Variants in FAM13A observed in about 807,000 individuals in gnomAD.
FAM13A encodes protein FAM13A.
FAM13A carries 76 observed loss-of-function variants against 129.6 expected under a neutral mutation model. The observed-to-expected ratio is 0.59, with a 90% CI of 0.49 to 0.71. The LOEUF is 0.71. FAM13A is among the 30% of genes least tolerant of loss of function. The pLI, the probability that FAM13A is intolerant of heterozygous loss-of-function variation, is 0.00. For missense variants in FAM13A, 1,108 were observed against 1,249.3 expected, an observed-to-expected ratio of 0.89 and a Z score of 1.70; for synonymous variants, 443 against 449.9, an observed-to-expected ratio of 0.98 and a Z score of 0.20.
intron 5 of FAM13A, among the ~76,000 whole-genome samples, chr4:88,929,868 C>G (rs2464520): frequency 0.79 from 120,761 of 152,018 alleles, 48,198 homozygotes; most frequent in Non-Finnish European, 0.82. Context: ...CTCTTGAATA[C>G]CTGGGACTAC....
intron 3 of FAM13A, among the ~76,000 whole-genome samples, chr4:89,011,699 C>T (rs1442444748): frequency 2.6e-5 from 4 of 152,102 alleles, no homozygotes; most frequent in Admixed American, 2.0e-4. Context: ...TCTGTCTTAC[C>T]GTGTTTTTGC....
intron 6 of FAM13A, among the ~76,000 whole-genome samples, chr4:88,879,440 A>G (rs1038634149): frequency 6.6e-6 from 1 of 152,188 alleles, no homozygotes; most frequent in African/African-American, 2.4e-5. Flanking sequence ...TATATGCACA[A>G]TCTTGGTTAA....
intron 7 of FAM13A, among the ~76,000 whole-genome samples, chr4:88,806,774 C>A (rs1728649238): frequency 6.6e-6 from 1 of 152,128 alleles, no homozygotes; most frequent in Admixed American, 6.6e-5. Flanking sequence ...GAGGGGACAA[C>A]ACCTGGGAAA....
intron 14 of FAM13A, 143 bp downstream of exon 14, chr4:88,758,611 G>T: frequency 1.2e-6 from 1 of 801,674 alleles, no homozygotes; most frequent in South Asian, 2.0e-5. Context: ...ACAGGTCAAG[G>T]ATTTTCGGTC....
intron 23 of FAM13A, 152 bp from the exon 24 acceptor site, chr4:88,728,811 G>T: frequency 1.3e-6 from 1 of 761,182 alleles, no homozygotes; most frequent in South Asian, 1.9e-5. Context: ...CAAGACTGGG[G>T]CTGGATTTAG....
At chr4:88,895,261 G>A (rs1447297787) in intron 6 of FAM13A, among the ~76,000 whole-genome samples, 3 of 151,928 alleles carry the variant, frequency 2.0e-5, no homozygotes, top group Admixed American at 6.6e-5. Context: ...AATGTTAACT[G>A]GAAAAAGCAG....
intron 3 of FAM13A, among the ~76,000 whole-genome samples, chr4:88,995,997 G>T (rs1220989859): frequency 1.3e-5 from 2 of 152,184 alleles, no homozygotes; most frequent in Non-Finnish European, 2.9e-5. Flanking sequence ...TGGTCAGGGA[G>T]GCCCCTCTGA....
intron 6 of FAM13A, among the ~76,000 whole-genome samples, chr4:88,861,429 T>G (rs1739481024): frequency 6.6e-6 from 1 of 151,298 alleles, no homozygotes; most frequent in South Asian, 2.1e-4. Context: ...CCATGTATCA[T>G]TATTGCCTGG....
intron 4 of FAM13A, among the ~76,000 whole-genome samples, chr4:88,985,487 A>C (rs1218062085): frequency 6.6e-6 from 1 of 152,194 alleles, no homozygotes; most frequent in Non-Finnish European, 1.5e-5. Flanking sequence ...TTAAAACTTA[A>C]AAAATCCACA....
rs562389475 is a variant in FAM13A, at chr4:88,878,770, C to A, written c.844-27587G>T. Among the ~76,000 whole-genome samples the A allele has an allele frequency of 3.3e-5, 5 of 152,166 alleles. No individual in the cohort carries two copies. The East Asian group carries it at 5.8e-4, about 18-fold the overall frequency. Reference sequence around the variant, plus strand: ...CCCATAAATTCTGGGTACAAGAGTCCCCAGTAGACTGGACATCTGCACCTA... The same window carrying A: ...CCCATAAATTCTGGGTACAAGAGTCACCAGTAGACTGGACATCTGCACCTA... On this transcript the variant is annotated intron_variant, in intron 6 of 23. Transcript: ENST00000264344.
intron 1 of FAM13A, among the ~76,000 whole-genome samples, chr4:89,041,179 T>A (rs1285077335): frequency 2.0e-5 from 3 of 152,030 alleles, no homozygotes; most frequent in Non-Finnish European, 4.4e-5. Context: ...GATAGCAGAG[T>A]AGGATGACTA....
At chr4:88,869,537 A>T (rs1741001313) in intron 6 of FAM13A, among the ~76,000 whole-genome samples, 1 of 152,222 alleles carries the variant, frequency 6.6e-6, no homozygotes, top group Non-Finnish European at 1.5e-5. Context: ...AGAAAGGTAG[A>T]TTCCTTCAAG....
At chr4:88,947,335 T>C (rs551942820) in intron 4 of FAM13A, among the ~76,000 whole-genome samples, 21 of 152,280 alleles carry the variant, frequency 1.4e-4, no homozygotes, top group Non-Finnish European at 2.8e-4. Context: ...GTGTTGAACC[T>C]GGCAGGCAGA....
At chr4:88,881,838 G>A (rs866802266) in intron 6 of FAM13A, among the ~76,000 whole-genome samples, 3 of 151,966 alleles carry the variant, frequency 2.0e-5, no homozygotes, top group African/African-American at 4.8e-5. Flanking sequence ...AAAATATACT[G>A]GAACGTGTCA....
chr4:88,875,312 G>A (rs1742203918), intron 6 of FAM13A, among the ~76,000 whole-genome samples: 1 of 152,170 alleles, frequency 6.6e-6, no homozygotes, highest in Non-Finnish European at 1.5e-5. Flanking sequence ...AAACTAAAGA[G>A]CTTCTGCAAA....
intron 10 of FAM13A, among the ~76,000 whole-genome samples, chr4:88,783,635 A>G (rs1723396616): frequency 6.6e-6 from 1 of 152,108 alleles, no homozygotes; most frequent in Non-Finnish European, 1.5e-5. Flanking sequence ...GCTAGTATGG[A>G]CGGATTTATG....
rs367564925 is a variant in FAM13A at position 88,771,273 on chromosome 4, TG to T, written c.1459-3215del. Among the ~76,000 whole-genome samples the T allele has an allele frequency of 3.9e-3, 595 of 152,174 alleles. 5 individuals are homozygous for T. The highest frequency in any genetic ancestry group is 0.014 in the African/African-American group (578 of 41,540). On this transcript the variant is annotated intron_variant, in intron 11 of 23. Coordinates refer to ENST00000264344, the MANE Select transcript of FAM13A (RefSeq NM_014883.4). Reference sequence around the variant, plus strand: ...AAATTCTAATTTGTATTCTTTGTCTTGGGGTTAGGGAGGAATGATTAAGATA... The same window carrying T: ...AAATTCTAATTTGTATTCTTTGTCTTGGGTTAGGGAGGAATGATTAAGATA...
intron 3 of FAM13A, among the ~76,000 whole-genome samples, chr4:89,017,829 A>G (rs974669788): frequency 1.3e-5 from 2 of 152,140 alleles, no homozygotes; most frequent in African/African-American, 4.8e-5. Flanking sequence ...ATCGTGAAAA[A>G]GTTCATAAAG....
intron 5 of FAM13A, among the ~76,000 whole-genome samples, chr4:88,916,646 T>C (rs1193525352): frequency 1.3e-5 from 2 of 152,244 alleles, no homozygotes; most frequent in Non-Finnish European, 2.9e-5. Context: ...AGGGCCTTTG[T>C]ACTTGCTGTT....
Sources: gnomAD v4.1 joint callset for allele counts (sites outside exome capture counted in the v4.1 genomes callset) on GRCh38, gnomAD v4.1.1 for gene constraint, MANE v1.5 for transcripts, NCBI Gene and HGNC (gene_info 2026-07-23, HGNC 2026-07-21) for gene names.